The following C22orf42 variants were observed in gnomAD, a reference collection of about 807,000 sequenced individuals.
The protein encoded by C22orf42 is chromosome 22 open reading frame 42, also known as uncharacterized protein C22orf42.
Under a neutral mutation model 31.4 loss-of-function variants are expected in C22orf42, and 24 were observed. The ratio of observed to expected loss-of-function variants is 0.77; its 90% confidence interval spans 0.55 to 1.08. The LOEUF is 1.08. Ranked by LOEUF, C22orf42 falls within the 50% of genes least tolerant of loss-of-function variation. The pLI is 0.00. For synonymous variants in C22orf42, 96 were observed against 112.7 expected (o/e 0.85, Z 0.94); for missense variants, 276 against 327.3 (o/e 0.84, Z 1.21).
In C22orf42 at chr22:32,154,225, G is replaced by A; in HGVS notation, c.307+19C>T. ...AATTGTTTGCTTAAATGAACTTAATGATTTAATTTCCACATTACCTATATT... is the reference window on the plus strand; with the variant it reads ...AATTGTTTGCTTAAATGAACTTAATAATTTAATTTCCACATTACCTATATT... On this transcript the variant is annotated intron_variant, in intron 2 of 8. Transcript: ENST00000382097. The A allele has an allele frequency of 6.2e-7, 1 of 1,607,790 alleles. No individual in the cohort carries two copies. The highest frequency in any genetic ancestry group is 8.5e-7 in the Non-Finnish European group (1 of 1,178,086).
At chr22:32,152,763 A>G in intron 2 of C22orf42, 137 bp from the exon 3 acceptor site, 1 of 790,258 alleles carries the variant, frequency 1.3e-6, no homozygotes. Flanking sequence ...CTGCTGGACC[A>G]TTCTCCTTGG....
chr22:32,159,256 A>T lies in C22orf42; in HGVS notation c.-41T>A. On this transcript the variant is annotated 5_prime_UTR_variant, in exon 1 of 9. Coordinates refer to ENST00000382097, the MANE Select transcript of C22orf42 (RefSeq NM_001010859.3). ...ACAAAAAAGTCCAAGAGGCACAAGG[A>T]CAGAATGTAGTCGGAGCTCCTCCTC... is the stretch of plus-strand genomic sequence containing the variant. 6.2e-7 allele frequency: 1 copy of T among 1,603,030 alleles called. No individual in the cohort carries two copies. The highest frequency in any genetic ancestry group is 1.1e-5 in the South Asian group (1 of 90,864).
chr22:32,149,699 C>T lies in C22orf42; in HGVS notation c.682+54G>A, dbSNP rs937295808. On this transcript the variant is annotated intron_variant, in intron 8 of 8. Coordinates refer to ENST00000382097, the MANE Select transcript of C22orf42 (RefSeq NM_001010859.3). ...TATATGTATATCTACATATCTATAT[C>T]TATATCTATATCTACATATATATCT... 3 of 1,159,392 alleles carry T rather than the reference C, an allele frequency of 2.6e-6. No homozygotes were observed. The African/African-American group carries it at 4.9e-5, about 19-fold the overall frequency. 71.8% of individuals were successfully genotyped at this position (1,159,392 alleles called of 1,614,324 possible).
intron 4 of C22orf42, 54 bp downstream of exon 4, chr22:32,152,013 T>C: frequency 6.6e-7 from 1 of 1,521,884 alleles, no homozygotes; most frequent in South Asian, 1.2e-5. Context: ...ATGAGTGAAT[T>C]GTTTTGCATG....
intron 1 of C22orf42, among the ~76,000 whole-genome samples, chr22:32,154,956 A>G (rs1603181572): frequency 6.6e-6 from 1 of 152,314 alleles, no homozygotes; most frequent in African/African-American, 2.4e-5. Flanking sequence ...CATGAAAAAG[A>G]TCTGTCATTT....
rs1569332085 is a variant in C22orf42, at chr22:32,149,665, ATATCTACATATATG to A, written c.683-66_683-53del. The A allele has an allele frequency of 9.6e-6, 12 of 1,256,378 alleles. No individual in the cohort carries two copies. The African/African-American group carries it at 1.4e-4, about 15-fold the overall frequency. 77.8% of individuals were successfully genotyped at this position (1,256,378 alleles called of 1,614,324 possible). A position where few individuals can be genotyped will look rare whatever the true frequency, so the allele number is the denominator to read the frequency against. On this transcript the variant is annotated intron_variant, in intron 8 of 8. Coordinates refer to ENST00000382097, the MANE Select transcript of C22orf42 (RefSeq NM_001010859.3). Reference sequence around the variant, plus strand: ...TCAAAAAAAAAATATATATATATATATATCTACATATATGTATATCTACATATCTATATCTATAT... The same window carrying A: ...TCAAAAAAAAAATATATATATATATATATATCTACATATCTATATCTATAT...
intron 4 of C22orf42, 140 bp from the exon 5 acceptor site, chr22:32,151,691 C>T (rs1920986089): frequency 3.8e-6 from 3 of 787,064 alleles, no homozygotes; most frequent in Admixed American, 2.2e-5. Flanking sequence ...CTGGACCATT[C>T]TCCTTGGTGC....
At chr22:32,152,521 A>G in intron 3 of C22orf42, 41 bp downstream of exon 3, 1 of 1,558,664 alleles carries the variant, frequency 6.4e-7, no homozygotes, top group Non-Finnish European at 8.8e-7. Flanking sequence ...CCCAGAAAAA[A>G]CAAAAAGCAT....
intron 1 of C22orf42, among the ~76,000 whole-genome samples, chr22:32,158,072 C>T (rs1424422659): frequency 2.0e-5 from 3 of 152,232 alleles, no homozygotes; most frequent in Admixed American, 1.3e-4. Flanking sequence ...TGGCAGCTTT[C>T]GTTTGCTCAC....
In C22orf42 at chr22:32,151,036, G is replaced by T; in HGVS notation, c.466-17C>A. The T allele has an allele frequency of 6.2e-7, 1 of 1,610,560 alleles. No individual in the cohort carries two copies. ...AGATATTTCCTGCAGTAAGAGAAAA[G>T]AAAAAGAAACACCATGAGGATCAGA... On this transcript the variant is annotated splice_polypyrimidine_tract_variant and intron_variant, in intron 5 of 8. Transcript: ENST00000382097.
chr22:32,150,650 G>A, intron 6 of C22orf42, 171 bp from the exon 7 acceptor site: 2 of 671,980 alleles, frequency 3.0e-6, no homozygotes, highest in Non-Finnish European at 5.2e-6. Flanking sequence ...AAGGAGAAGG[G>A]CAGAAAGAAA....
intron 6 of C22orf42, 141 bp from the exon 7 acceptor site, chr22:32,150,620 C>T (rs1267823941): frequency 2.5e-6 from 2 of 800,076 alleles, no homozygotes; most frequent in African/African-American, 3.5e-5. Flanking sequence ...GACCATTCTC[C>T]TTGGTGCTGA....
At chr22:32,152,149 C>T in intron 3 of C22orf42, 55 bp from the exon 4 acceptor site, 2 of 1,580,198 alleles carry the variant, frequency 1.3e-6, no homozygotes, top group Admixed American at 2.0e-5. Context: ...ATGCTGGGTT[C>T]TGTTGGCAAA....
chr22:32,150,743 C>T, intron 6 of C22orf42: 1 of 631,830 alleles, frequency 1.6e-6, no homozygotes, highest in Non-Finnish European at 2.8e-6. Flanking sequence ...CAGAAAAGCA[C>T]TGTACTATAG....
At chr22:32,153,241 A>G (rs1405583512) in intron 2 of C22orf42, among the ~76,000 whole-genome samples, 2 of 152,228 alleles carry the variant, frequency 1.3e-5, no homozygotes. Flanking sequence ...TGCAGAATAC[A>G]ATGGAATAGA....
chr22:32,153,698 T>C (rs1456407816), intron 2 of C22orf42, among the ~76,000 whole-genome samples: 1 of 152,220 alleles, frequency 6.6e-6, no homozygotes, highest in Non-Finnish European at 1.5e-5. Flanking sequence ...ATTTCCTCAG[T>C]TACATTTTAA....
intron 3 of C22orf42, 151 bp downstream of exon 3, chr22:32,152,411 G>A: frequency 2.8e-6 from 2 of 712,388 alleles, no homozygotes; most frequent in Non-Finnish European, 4.9e-6. Flanking sequence ...TCAGGCCTCA[G>A]TTGGTCATAA....
intron 1 of C22orf42, among the ~76,000 whole-genome samples, chr22:32,157,942 AG>A (rs1391247751): frequency 1.3e-5 from 2 of 152,380 alleles, no homozygotes; most frequent in East Asian, 3.9e-4. Context: ...TGAGCTTTCC[AG>A]TCCTGAGAAA....
chr22:32,149,668 TCTAC>T (rs2094108917), intron 8 of C22orf42, 55 bp from the exon 9 acceptor site: 1 of 1,256,420 alleles, frequency 8.0e-7, no homozygotes, highest in South Asian at 2.4e-5. Flanking sequence ...TATATATATA[TCTAC>T]ATATATGTAT....
Sources: allele counts gnomAD v4.1 joint callset (sites outside exome capture counted in the v4.1 genomes callset), GRCh38; gene constraint gnomAD v4.1.1; transcripts MANE v1.5; gene names NCBI Gene and HGNC (gene_info 2026-07-23, HGNC 2026-07-21).